Variants in BTRC observed in about 807,000 individuals in gnomAD.
BTRC encodes F-box/WD repeat-containing protein 1A.
BTRC carries 42 observed loss-of-function variants against 85.5 expected under a neutral mutation model. The observed-to-expected ratio is 0.49, with a 90% CI of 0.38 to 0.64. The LOEUF (loss-of-function observed/expected upper bound fraction) is 0.64. Ranked by LOEUF, BTRC falls within the 30% of genes least tolerant of loss-of-function variation. The pLI is 0.00. For missense variants in BTRC, 594 were observed against 743.5 expected (o/e 0.80, Z 2.34); for synonymous variants, 255 against 263.3 (o/e 0.97, Z 0.30).
chr10:101,397,921 GCTT>G (rs1370258993), intron 1 of BTRC, among the ~76,000 whole-genome samples: 2 of 152,144 alleles, frequency 1.3e-5, no homozygotes, highest in Non-Finnish European at 2.9e-5. Flanking sequence ...TGTAATCAAA[GCTT>G]CTTAAGTGTT....
chr10:101,438,226 A>G (rs1361017347), intron 2 of BTRC, among the ~76,000 whole-genome samples: 1 of 151,942 alleles, frequency 6.6e-6, no homozygotes, highest in African/African-American at 2.4e-5. Flanking sequence ...GGAGATTGAG[A>G]CCATCCTGGC....
chr10:101,411,331 T>G (rs1230742960), intron 1 of BTRC, among the ~76,000 whole-genome samples: 2 of 152,196 alleles, frequency 1.3e-5, no homozygotes, highest in Non-Finnish European at 2.9e-5. Context: ...TGGGTTGGTC[T>G]ATTATCATTC....
intron 1 of BTRC, among the ~76,000 whole-genome samples, chr10:101,370,785 TG>T (rs1262790311): frequency 6.6e-6 from 1 of 151,772 alleles, no homozygotes; most frequent in African/African-American, 2.4e-5. Context: ...TTGTCCAGGC[TG>T]GTCTCAAGCT....
intron 1 of BTRC, among the ~76,000 whole-genome samples, chr10:101,416,915 G>A (rs1213633272): frequency 1.3e-5 from 2 of 151,982 alleles, no homozygotes; most frequent in Admixed American, 1.3e-4. Flanking sequence ...ATGACCAAAA[G>A]CAAAATCCCA....
intron 1 of BTRC, among the ~76,000 whole-genome samples, chr10:101,399,922 C>G (rs766245100): frequency 3.9e-5 from 6 of 152,176 alleles, no homozygotes; most frequent in Non-Finnish European, 8.8e-5. Context: ...TTGGATCCTT[C>G]TTGTGAATAT....
intron 3 of BTRC, among the ~76,000 whole-genome samples, chr10:101,473,097 A>G (rs1376188564): frequency 6.6e-6 from 1 of 151,116 alleles, no homozygotes; most frequent in Admixed American, 6.6e-5. Flanking sequence ...TATATTCTAG[A>G]TAATCCAGAA....
intron 1 of BTRC, among the ~76,000 whole-genome samples, chr10:101,369,039 T>C (rs1942559377): frequency 6.6e-6 from 1 of 151,960 alleles, no homozygotes; most frequent in Admixed American, 6.6e-5. Flanking sequence ...AATAATAACA[T>C]CGTCTTTTTC....
chr10:101,410,948 A>T (rs1943760004), intron 1 of BTRC, among the ~76,000 whole-genome samples: 1 of 150,580 alleles, frequency 6.6e-6, no homozygotes. Flanking sequence ...TTTTAAAAAA[A>T]TTTTAAATGA....
intron 1 of BTRC, among the ~76,000 whole-genome samples, chr10:101,362,343 A>T (rs757808949): frequency 6.6e-6 from 1 of 151,746 alleles, no homozygotes; most frequent in Admixed American, 6.6e-5. Flanking sequence ...TCCTGCTCCT[A>T]GGCTTGTGAC....
intron 1 of BTRC, among the ~76,000 whole-genome samples, chr10:101,408,014 G>A (rs1034485589): frequency 2.0e-5 from 3 of 152,196 alleles, no homozygotes; most frequent in East Asian, 1.9e-4. Flanking sequence ...GAGCCACTGC[G>A]CCTGGCCTAA....
intron 4 of BTRC, among the ~76,000 whole-genome samples, chr10:101,510,558 A>G (rs9420847): frequency 0.37 from 56,115 of 151,746 alleles, 11,568 homozygotes; most frequent in Middle Eastern, 0.49. Context: ...TTTAATTAAA[A>G]CCTGACAACA....
At chr10:101,487,871 GTTAC>G (rs1946031093) in intron 4 of BTRC, among the ~76,000 whole-genome samples, 1 of 152,126 alleles carries the variant, frequency 6.6e-6, no homozygotes, top group Admixed American at 6.5e-5. Flanking sequence ...TGTGTTTTAT[GTTAC>G]TTTTTTTCTT....
chr10:101,503,876 C>T (rs1946451641), intron 4 of BTRC, among the ~76,000 whole-genome samples: 1 of 152,152 alleles, frequency 6.6e-6, no homozygotes, highest in African/African-American at 2.4e-5. Flanking sequence ...TTATAGAACA[C>T]AGAAATTGAA....
At chr10:101,371,629 G>A (rs900705002) in intron 1 of BTRC, among the ~76,000 whole-genome samples, 1 of 152,136 alleles carries the variant, frequency 6.6e-6, no homozygotes, top group Admixed American at 6.5e-5. Flanking sequence ...ACATTTAATT[G>A]TATGTATATA....
chr10:101,365,219 A>C (rs936358975), intron 1 of BTRC, among the ~76,000 whole-genome samples: 1 of 150,720 alleles, frequency 6.6e-6, no homozygotes, highest in Non-Finnish European at 1.5e-5. Context: ...GATTACAGGC[A>C]TGCACCACCA....
At chr10:101,369,585 A>G (rs1942575099) in intron 1 of BTRC, among the ~76,000 whole-genome samples, 1 of 152,168 alleles carries the variant, frequency 6.6e-6, no homozygotes, top group Admixed American at 6.5e-5. Context: ...AGTTTCTTTT[A>G]GTAGAGAATG....
At chr10:101,411,422 A>G (rs1214853718) in intron 1 of BTRC, among the ~76,000 whole-genome samples, 1 of 152,134 alleles carries the variant, frequency 6.6e-6, no homozygotes, top group Admixed American at 6.6e-5. Flanking sequence ...TTCTTTTGAG[A>G]CACCAGATAT....
chr10:101,443,604 A>G (rs1295788231), intron 2 of BTRC, among the ~76,000 whole-genome samples: 1 of 152,242 alleles, frequency 6.6e-6, no homozygotes, highest in African/African-American at 2.4e-5. Context: ...ATAGCATAGA[A>G]AAGTTTTAAT....
At chr10:101,378,075 A>G (rs973733604) in intron 1 of BTRC, among the ~76,000 whole-genome samples, 7 of 152,296 alleles carry the variant, frequency 4.6e-5, no homozygotes, top group Admixed American at 2.0e-4. Context: ...TCCTAGTAGC[A>G]TAGATCAATG....
Sources: gnomAD v4.1 joint callset for allele counts (sites outside exome capture counted in the v4.1 genomes callset) on GRCh38, gnomAD v4.1.1 for gene constraint, MANE v1.5 for transcripts, NCBI Gene and HGNC (gene_info 2026-07-23, HGNC 2026-07-21) for gene names.